Variants in CNTN1 observed in about 807,000 individuals in gnomAD.
CNTN1 encodes the protein contactin 1.
A neutral mutation model predicts 126.4 loss-of-function variants in CNTN1; 38 were observed. The ratio of observed to expected loss-of-function variants is 0.30; its 90% confidence interval spans 0.23 to 0.39. The LOEUF is 0.39. Ranked by LOEUF, CNTN1 falls within the 10% of genes least tolerant of loss-of-function variation. CNTN1 has a pLI of 1.00. For synonymous variants in CNTN1, 413 were observed against 422.6 expected (o/e 0.98, Z 0.28); for missense variants, 1,009 against 1,248.4 (o/e 0.81, Z 2.89).
intron 1 of CNTN1, among the ~76,000 whole-genome samples, chr12:40,811,795 G>T (rs768380486): frequency 1.0e-4 from 14 of 138,624 alleles, no homozygotes; most frequent in South Asian, 7.1e-4. Flanking sequence ...TTTTTCCTTC[G>T]TCTCACTGAA....
intron 23 of CNTN1, 128 bp from the exon 24 acceptor site, chr12:41,069,831 T>C (rs908443264): frequency 1.3e-6 from 1 of 747,878 alleles, no homozygotes; most frequent in Non-Finnish European, 2.4e-6. Flanking sequence ...GAATAAGAGA[T>C]TCTGTTTTGT....
intron 1 of CNTN1, among the ~76,000 whole-genome samples, chr12:40,850,464 A>C (rs996273599): frequency 6.6e-6 from 1 of 152,126 alleles, no homozygotes; most frequent in Admixed American, 6.6e-5. Context: ...GTAGTTATTG[A>C]AAGCTCTATT....
At chr12:40,778,240 T>G (rs1325732209) in intron 1 of CNTN1, among the ~76,000 whole-genome samples, 1 of 151,826 alleles carries the variant, frequency 6.6e-6, no homozygotes, top group Non-Finnish European at 1.5e-5. Flanking sequence ...TCATCATATT[T>G]TATTGTTCTC....
chr12:41,037,177 T>TGG (rs1350751268), intron 23 of CNTN1, among the ~76,000 whole-genome samples: 1 of 152,190 alleles, frequency 6.6e-6, no homozygotes, highest in East Asian at 1.9e-4. Context: ...TGGATTGGTA[T>TGG]GGTTTATTTT....
At chr12:41,001,838 A>C (rs555333224) in intron 17 of CNTN1, among the ~76,000 whole-genome samples, 14 of 152,358 alleles carry the variant, frequency 9.2e-5, no homozygotes, top group Admixed American at 2.6e-4. Context: ...AATCTTCTGC[A>C]TATGGCTTGC....
chr12:40,726,893 A>G (rs938287683), intron 1 of CNTN1, among the ~76,000 whole-genome samples: 1 of 151,084 alleles, frequency 6.6e-6, no homozygotes, highest in African/African-American at 2.4e-5. Context: ...TAAAATTCTC[A>G]TGTTTTTTAT....
intron 1 of CNTN1, among the ~76,000 whole-genome samples, chr12:40,809,494 C>G (rs1480748379): frequency 6.6e-6 from 1 of 151,910 alleles, no homozygotes; most frequent in Non-Finnish European, 1.5e-5. Context: ...TATCTTGAAC[C>G]TATAGTCAAG....
chr12:40,907,820 T>A (rs1944886583), intron 1 of CNTN1, among the ~76,000 whole-genome samples: 1 of 152,184 alleles, frequency 6.6e-6, no homozygotes, highest in African/African-American at 2.4e-5. Context: ...CATTTAAAAT[T>A]AGCATGTCTG....
intron 23 of CNTN1, among the ~76,000 whole-genome samples, chr12:41,046,205 T>C (rs1355102248): frequency 6.6e-6 from 1 of 152,144 alleles, no homozygotes; most frequent in African/African-American, 2.4e-5. Flanking sequence ...AGCCACCCAC[T>C]CATGATCACA....
At chr12:40,913,471 A>C (rs1386200286) in intron 3 of CNTN1, among the ~76,000 whole-genome samples, 5 of 152,160 alleles carry the variant, frequency 3.3e-5, no homozygotes, top group Non-Finnish European at 7.3e-5. Flanking sequence ...TGAAATTTTG[A>C]TGCCATTACC....
intron 1 of CNTN1, among the ~76,000 whole-genome samples, chr12:40,775,827 G>A (rs561545383): frequency 6.6e-6 from 1 of 151,644 alleles, no homozygotes; most frequent in Admixed American, 6.6e-5. Flanking sequence ...AAACATTGCG[G>A]GGTAACATTG....
chr12:40,753,358 A>C (rs1455193215), intron 1 of CNTN1, among the ~76,000 whole-genome samples: 1 of 152,234 alleles, frequency 6.6e-6, no homozygotes, highest in Admixed American at 6.5e-5. Flanking sequence ...TTATTCTCCT[A>C]TCTTATCATT....
At chr12:40,873,558 T>C (rs931613892) in intron 1 of CNTN1, among the ~76,000 whole-genome samples, 1 of 152,198 alleles carries the variant, frequency 6.6e-6, no homozygotes, top group African/African-American at 2.4e-5. Context: ...CTTTGCTTCT[T>C]CCAAATGTTC....
At chr12:40,941,664 T>C (rs1946268601) in intron 12 of CNTN1, among the ~76,000 whole-genome samples, 1 of 152,102 alleles carries the variant, frequency 6.6e-6, no homozygotes, top group Non-Finnish European at 1.5e-5. Flanking sequence ...TGCTATTAGC[T>C]CTAAGGTCAC....
chr12:40,810,302 T>C (rs1015924085), intron 1 of CNTN1, among the ~76,000 whole-genome samples: 1 of 152,212 alleles, frequency 6.6e-6, no homozygotes, highest in Admixed American at 6.5e-5. Flanking sequence ...TGTTTTGATA[T>C]CTATATACAA....
chr12:41,002,808 C>A (rs192356563), intron 17 of CNTN1, among the ~76,000 whole-genome samples: 1 of 152,210 alleles, frequency 6.6e-6, no homozygotes, highest in African/African-American at 2.4e-5. Flanking sequence ...CCGCCTGCCT[C>A]GGCCTCCCAA....
chr12:40,837,765 G>T (rs1942116658), intron 1 of CNTN1, among the ~76,000 whole-genome samples: 1 of 152,126 alleles, frequency 6.6e-6, no homozygotes, highest in Non-Finnish European at 1.5e-5. Flanking sequence ...AGCGGCCACT[G>T]CCAGGAAGCA....
At chr12:40,800,546 C>G (rs965356302) in intron 1 of CNTN1, among the ~76,000 whole-genome samples, 1 of 151,880 alleles carries the variant, frequency 6.6e-6, no homozygotes, top group Non-Finnish European at 1.5e-5. Context: ...ATTAAAAAAT[C>G]AGCAGGCTTC....
intron 1 of CNTN1, among the ~76,000 whole-genome samples, chr12:40,773,676 C>CACATAT (rs1326393832): frequency 0.059 from 671 of 11,376 alleles, 19 homozygotes; most frequent in African/African-American, 0.1. Flanking sequence ...TATATATACA[C>CACATAT]ATATATATAT....
Sources: gnomAD v4.1 joint callset for allele counts (sites outside exome capture counted in the v4.1 genomes callset) on GRCh38, gnomAD v4.1.1 for gene constraint, MANE v1.5 for transcripts, NCBI Gene and HGNC (gene_info 2026-07-23, HGNC 2026-07-21) for gene names.